Variants in OPRM1 observed in about 807,000 individuals in gnomAD.
The protein encoded by OPRM1 is mu-type opioid receptor.
A neutral mutation model predicts 31.8 loss-of-function variants in OPRM1; 27 were observed. The observed-to-expected ratio is 0.85, with a 90% CI of 0.63 to 1.17. OPRM1 has a LOEUF of 1.17. OPRM1 is among the 50% of genes most tolerant of loss of function. The pLI is 0.00. For synonymous variants in OPRM1, 196 were observed against 189.9 expected (o/e 1.03, Z -0.26); for missense variants, 536 against 511.1 (o/e 1.05, Z -0.47).
rs1436945735 is a variant in OPRM1, at chr6:154,123,499, G to T, written c.*4778G>T. ...GTCTTAGCTGTTTACCTAACTGATT[G>T]GTCCTTTTCTTCTCCCTGAAAAGCA... On this transcript the variant is annotated 3_prime_UTR_variant, in exon 4 of 4. Coordinates refer to ENST00000330432, the MANE Select transcript of OPRM1 (RefSeq NM_000914.5). Among the ~76,000 whole-genome samples the T allele has an allele frequency of 6.6e-6, 1 of 152,146 alleles. No homozygotes were observed. The highest frequency in any genetic ancestry group is 2.1e-4 in the South Asian group (1 of 4,828).
At chr6:154,152,302 A>AGAAG (rs1238089903) in intron 3 of OPRM1, among the ~76,000 whole-genome samples, 2 of 84,256 alleles carry the variant, frequency 2.4e-5, no homozygotes, top group African/African-American at 1.0e-4. Context: ...GAGAGAAGAA[A>AGAAG]GAAAGAAAGA....
At chr6:154,047,305 A>C (rs963898120) in intron 1 of OPRM1, among the ~76,000 whole-genome samples, 2 of 151,170 alleles carry the variant, frequency 1.3e-5, no homozygotes, top group African/African-American at 4.9e-5. Context: ...TGTTTTGTGT[A>C]CCTGAGGGCC....
chr6:154,209,542 G>C (rs1198365122), intron 3 of OPRM1, among the ~76,000 whole-genome samples: 1 of 151,908 alleles, frequency 6.6e-6, no homozygotes, highest in African/African-American at 2.4e-5. Flanking sequence ...AGCTACTCGG[G>C]GGGCCGAGGT....
chr6:154,109,000 T>C (rs1688154560), intron 3 of OPRM1: 2 of 984,858 alleles, frequency 2.0e-6, no homozygotes, highest in Non-Finnish European at 2.4e-6. Flanking sequence ...AGCAATATGA[T>C]GATAAAAGCC....
chr6:154,041,921 A>G (rs1780146717), intron 1 of OPRM1, among the ~76,000 whole-genome samples: 1 of 152,214 alleles, frequency 6.6e-6, no homozygotes, highest in Non-Finnish European at 1.5e-5. Flanking sequence ...TAGAGTGGCA[A>G]CTGGCTGTGA....
At chr6:154,072,123 C>A (rs1381376) in intron 1 of OPRM1, among the ~76,000 whole-genome samples, 5 of 151,874 alleles carry the variant, frequency 3.3e-5, no homozygotes, top group Non-Finnish European at 5.9e-5. Context: ...TGAGAATCAA[C>A]GTGGGAATGG....
chr6:154,012,122 G>T (rs143061156), intron 1 of OPRM1, among the ~76,000 whole-genome samples: 3 of 152,088 alleles, frequency 2.0e-5, no homozygotes, highest in Non-Finnish European at 1.5e-5. Context: ...CTGAACAAAA[G>T]GTTTGGACAT....
intron 3 of OPRM1, among the ~76,000 whole-genome samples, chr6:154,115,956 C>T (rs939265190): frequency 1.3e-5 from 2 of 152,186 alleles, no homozygotes; most frequent in Non-Finnish European, 2.9e-5. Flanking sequence ...GCCTTATGAT[C>T]AGGTCCCTTT....
At chr6:154,097,340 TA>T (rs2128494890) in intron 3 of OPRM1, among the ~76,000 whole-genome samples, 1 of 152,306 alleles carries the variant, frequency 6.6e-6, no homozygotes, top group Non-Finnish European at 1.5e-5. Context: ...TATCCCCAGC[TA>T]AACTAAAAGC....
At chr6:154,159,647 C>G (rs1798854244) in intron 3 of OPRM1, 1 of 608,752 alleles carries the variant, frequency 1.6e-6, no homozygotes, top group Admixed American at 3.3e-5. Flanking sequence ...TGCGTTACGA[C>G]TGAAATGAGG....
chr6:154,025,600 T>G (rs181350611), intron 1 of OPRM1, among the ~76,000 whole-genome samples: 1 of 152,156 alleles, frequency 6.6e-6, no homozygotes, highest in Non-Finnish European at 1.5e-5. Flanking sequence ...GGTCTTATCT[T>G]CCTTCTTTTT....
At chr6:154,035,129 G>C (rs1336945383), upstream of OPRM1, among the ~76,000 whole-genome samples, 1 of 152,054 alleles carries the variant, frequency 6.6e-6, no homozygotes, top group Non-Finnish European at 1.5e-5. Flanking sequence ...TACAGAAAAG[G>C]AAACCAAATA....
chr6:154,040,017 T>G (rs1358536019), intron 1 of OPRM1, among the ~76,000 whole-genome samples, 183 bp downstream of exon 1: 1 of 152,178 alleles, frequency 6.6e-6, no homozygotes, highest in African/African-American at 2.4e-5. Flanking sequence ...CTTTTCTGTT[T>G]TTTCTTCAAC....
At chr6:154,213,971 G>A (rs991880800) in intron 3 of OPRM1, among the ~76,000 whole-genome samples, 1 of 152,240 alleles carries the variant, frequency 6.6e-6, no homozygotes, top group Non-Finnish European at 1.5e-5. Flanking sequence ...GAGATGTCAT[G>A]AAGCCCACAG....
chr6:154,194,674 G>T (rs761458013), intron 3 of OPRM1, among the ~76,000 whole-genome samples: 1 of 152,082 alleles, frequency 6.6e-6, no homozygotes, highest in Non-Finnish European at 1.5e-5. Flanking sequence ...AGGAAAAATT[G>T]TAGGAAGTAG....
At chr6:154,242,682 T>C (rs1422578378) in intron 3 of OPRM1, among the ~76,000 whole-genome samples, 2 of 151,474 alleles carry the variant, frequency 1.3e-5, no homozygotes, top group Admixed American at 6.6e-5. Context: ...AGGTCAGGAG[T>C]TCGAGACTAG....
chr6:154,152,348 G>GAAAGA (rs1798548101), intron 3 of OPRM1, among the ~76,000 whole-genome samples: 1 of 2,406 alleles, frequency 4.2e-4, no homozygotes, highest in African/African-American at 1.1e-3. Context: ...AGAAAGAAAG[G>GAAAGA]AAAGAAAGAA....
Position 154,039,456 on chromosome 6 carries a change from G to C in OPRM1, c.-89G>C. The C allele has an allele frequency of 6.4e-7, 1 of 1,552,624 alleles. No homozygotes were observed. Among genetic ancestry groups the C allele is most frequent in the Non-Finnish European group, 8.7e-7 (1 of 1,147,506 alleles). ...AAACAGCAGGAGCTGTGGCAGCGGC[G>C]AAAGGAAGCGGCTGAGGCGCTTGGA... On this transcript the variant is annotated 5_prime_UTR_variant, in exon 1 of 4. Transcript: ENST00000330432.
intron 1 of OPRM1, among the ~76,000 whole-genome samples, chr6:154,050,754 TAAAG>T (rs1341757655): frequency 6.6e-6 from 1 of 152,090 alleles, no homozygotes; most frequent in Non-Finnish European, 1.5e-5. Flanking sequence ...TAAAATAACA[TAAAG>T]AATGTAATTG....
Sources: gnomAD v4.1 joint callset for allele counts (sites outside exome capture counted in the v4.1 genomes callset) on GRCh38, gnomAD v4.1.1 for gene constraint, MANE v1.5 for transcripts, NCBI Gene and HGNC (gene_info 2026-07-23, HGNC 2026-07-21) for gene names.